Variants in SMIM35 observed in about 807,000 individuals in gnomAD.
SMIM35 encodes the protein TMPRSS4 antisense RNA 1 (non-protein coding).
intron 1 of SMIM35, among the ~76,000 whole-genome samples, chr11:118,026,797 G>GA (rs2135047177): frequency 6.6e-6 from 1 of 151,996 alleles, no homozygotes; most frequent in Non-Finnish European, 1.5e-5. Flanking sequence ...GTGAGACCCT[G>GA]TTTCTTTTTT....
At chr11:118,011,955 T>A (rs953632455) in intron 4 of SMIM35, among the ~76,000 whole-genome samples, 2 of 152,192 alleles carry the variant, frequency 1.3e-5, no homozygotes, top group African/African-American at 4.8e-5. Flanking sequence ...CTGGCTATGC[T>A]GGGAGAATGG....
intron 1 of SMIM35, among the ~76,000 whole-genome samples, chr11:118,079,180 A>C (rs993768081): frequency 6.6e-6 from 1 of 152,094 alleles, no homozygotes; most frequent in African/African-American, 2.4e-5. Context: ...GGAGCTAGCC[A>C]TTATACTGCC....
At chr11:118,019,417 C>G (rs560427375) in intron 1 of SMIM35, among the ~76,000 whole-genome samples, 7 of 152,226 alleles carry the variant, frequency 4.6e-5, no homozygotes, top group African/African-American at 1.7e-4. Flanking sequence ...GCCCAGCAGT[C>G]AAATTGAGGA....
chr11:118,050,551 G>A (rs1238364331), intron 1 of SMIM35, among the ~76,000 whole-genome samples: 1 of 152,220 alleles, frequency 6.6e-6, no homozygotes, highest in Admixed American at 6.5e-5. Context: ...AAGGTGGGGA[G>A]CAGAAACAAC....
At chr11:118,016,505 C>T (rs1221355150) in intron 1 of SMIM35, among the ~76,000 whole-genome samples, 1 of 152,072 alleles carries the variant, frequency 6.6e-6, no homozygotes, top group African/African-American at 2.4e-5. Context: ...TCAGGAAGGC[C>T]AGCCCCACTC....
chr11:118,043,912 C>T (rs11826104), intron 1 of SMIM35, among the ~76,000 whole-genome samples: 39,930 of 148,858 alleles, frequency 0.27, 5,363 homozygotes, highest in South Asian at 0.3. Context: ...TTTTTTTAGG[C>T]GATGAAAATG....
chr11:118,079,040 G>A (rs1944920629), intron 1 of SMIM35, among the ~76,000 whole-genome samples: 1 of 152,124 alleles, frequency 6.6e-6, no homozygotes, highest in African/African-American at 2.4e-5. Context: ...GAAGGAGCTG[G>A]GCATTGCTGG....
In SMIM35 at chr11:118,057,251, G is replaced by A. The variant is rs189073341; in HGVS notation, c.7+29500C>T. Among the ~76,000 whole-genome samples, 8 of 152,342 alleles carry A rather than the reference G, an allele frequency of 5.3e-5. No individual in the cohort carries two copies. The East Asian group carries it at 1.4e-3, about 26-fold the overall frequency. On this transcript the variant is annotated intron_variant, in intron 1 of 4. Transcript: ENST00000689828. The stretch of plus-strand genomic sequence containing the variant: ...GACAAACCTTCCTGGAAACCAAAGT[G>A]CACTCAGGAAGGGTCTGGGTGTAGT...
At chr11:118,015,409 C>A (rs531951804) in intron 2 of SMIM35, among the ~76,000 whole-genome samples, 1 of 152,288 alleles carries the variant, frequency 6.6e-6, no homozygotes, top group African/African-American at 2.4e-5. Flanking sequence ...TGGGGGCCCA[C>A]AGAGACCGCT....
At chr11:118,016,796 A>G (rs1186686880) in intron 1 of SMIM35, among the ~76,000 whole-genome samples, 2 of 152,256 alleles carry the variant, frequency 1.3e-5, no homozygotes, top group Non-Finnish European at 2.9e-5. Flanking sequence ...TACCACATGT[A>G]GAGAGCACTT....
chr11:118,009,281 G>A (rs2058138913), intron 4 of SMIM35, among the ~76,000 whole-genome samples: 1 of 152,308 alleles, frequency 6.6e-6, no homozygotes, highest in East Asian at 1.9e-4. Flanking sequence ...AGGATGTTAG[G>A]ATAGCTGCCA....
At chr11:118,008,974 G>A (rs1227982961) in intron 4 of SMIM35, among the ~76,000 whole-genome samples, 1 of 152,192 alleles carries the variant, frequency 6.6e-6, no homozygotes, top group Non-Finnish European at 1.5e-5. Flanking sequence ...AGTTATGGGG[G>A]CCTGAGACTA....
chr11:118,080,510 C>T (rs1445453936), intron 1 of SMIM35, among the ~76,000 whole-genome samples: 1 of 152,148 alleles, frequency 6.6e-6, no homozygotes, highest in Non-Finnish European at 1.5e-5. Context: ...CTGGGTGCTT[C>T]CCTGGAGAAG....
chr11:118,051,310 C>G (rs1178736904), intron 1 of SMIM35, among the ~76,000 whole-genome samples: 1 of 152,230 alleles, frequency 6.6e-6, no homozygotes, highest in Non-Finnish European at 1.5e-5. Flanking sequence ...GGGTCTCCCA[C>G]AAGCCAGCTC....
intron 1 of SMIM35, among the ~76,000 whole-genome samples, chr11:118,051,826 ATAC>A (rs1944219738): frequency 2.8e-5 from 1 of 36,244 alleles, no homozygotes; most frequent in African/African-American, 1.5e-4. Flanking sequence ...GTTTAGGTTG[ATAC>A]TAATACTAAT....
intron 1 of SMIM35, among the ~76,000 whole-genome samples, chr11:118,069,781 G>T (rs183209903): frequency 6.6e-6 from 1 of 152,178 alleles, no homozygotes; most frequent in Non-Finnish European, 1.5e-5. Flanking sequence ...TTCATACAAG[G>T]CCAGGCGCGG....
intron 1 of SMIM35, among the ~76,000 whole-genome samples, chr11:118,069,887 C>T (rs536904591): frequency 1.3e-5 from 2 of 152,180 alleles, no homozygotes; most frequent in East Asian, 1.9e-4. Context: ...CATGGCAAAA[C>T]CCCGTCTCTG....
intron 4 of SMIM35, among the ~76,000 whole-genome samples, chr11:118,012,097 C>A (rs2058153504): frequency 6.6e-6 from 1 of 152,208 alleles, no homozygotes; most frequent in African/African-American, 2.4e-5. Flanking sequence ...AATCACACAG[C>A]TTCCCTCCTC....
intron 1 of SMIM35, among the ~76,000 whole-genome samples, chr11:118,021,127 A>C (rs1290569131): frequency 6.6e-6 from 1 of 151,864 alleles, no homozygotes; most frequent in Non-Finnish European, 1.5e-5. Context: ...CAGTTAATTT[A>C]ATTTTAATAC....
Sources: gnomAD v4.1 joint callset for allele counts (sites outside exome capture counted in the v4.1 genomes callset) on GRCh38, gnomAD v4.1.1 for gene constraint, MANE v1.5 for transcripts, NCBI Gene and HGNC (gene_info 2026-07-23, HGNC 2026-07-21) for gene names.